SLC67A1: variants seen among roughly 807,000 people sequenced by gnomAD.
SLC67A1 encodes the protein solute carrier family 67 member A1.
the SLC67A1 span, chr11:2,903,048 C>T: frequency 8.9e-6 from 4 of 448,672 alleles, no homozygotes; most frequent in South Asian, 9.9e-5. Flanking sequence ...CTGCAGGGGT[C>T]GGGGGGAGCA....
chr11:2,903,049 G>A, the SLC67A1 span: 14 of 442,644 alleles, frequency 3.2e-5, no homozygotes, highest in East Asian at 3.4e-4. Context: ...TGCAGGGGTC[G>A]GGGGGAGCAG....
the SLC67A1 span, chr11:2,909,062 C>CCCAGGCGCCCCCGCCCT: frequency 1.1e-5 from 9 of 805,670 alleles, no homozygotes; most frequent in African/African-American, 1.8e-5. Context: ...CCAGCAGCCG[C>CCCAGGCGCCCCCGCCCT]CCAGGCGCCC....
chr11:2,900,199 G>T, the SLC67A1 span, among the ~76,000 whole-genome samples: 1 of 152,118 alleles, frequency 6.6e-6, no homozygotes, highest in Non-Finnish European at 1.5e-5. Flanking sequence ...AACGAGCTTG[G>T]CAGAGGATCT....
the SLC67A1 span, among the ~76,000 whole-genome samples, chr11:2,904,604 T>C: frequency 1.3e-5 from 2 of 152,356 alleles, no homozygotes; most frequent in African/African-American, 4.8e-5. Context: ...GTGGAGTGGC[T>C]TCAGCCACCC....
At chr11:2,921,270 C>A in the SLC67A1 span, 4 of 151,170 alleles carry the variant, frequency 2.6e-5, no homozygotes, top group Non-Finnish European at 4.4e-5. Context: ...CCCAAAAAAC[C>A]CTAAGATAAA....
the SLC67A1 span, chr11:2,914,666 G>C: frequency 4.1e-6 from 4 of 982,082 alleles, no homozygotes; most frequent in Non-Finnish European, 4.8e-6. Context: ...TCGAGGGCCT[G>C]GCTTCCTGCC....
chr11:2,903,291 T>G, the SLC67A1 span: 1 of 1,588,278 alleles, frequency 6.3e-7, no homozygotes, highest in Non-Finnish European at 8.6e-7. Context: ...TGCCCCCTGC[T>G]CCGCCAGCCT....
At chr11:2,911,643 G>A in the SLC67A1 span, among the ~76,000 whole-genome samples, 1 of 152,286 alleles carries the variant, frequency 6.6e-6, no homozygotes, top group Middle Eastern at 3.4e-3. Context: ...TCCTTCCCTG[G>A]CCAGCCTTCC....
the SLC67A1 span, chr11:2,916,906 G>A: frequency 1.6e-6 from 1 of 630,568 alleles, no homozygotes; most frequent in Non-Finnish European, 2.9e-6. Context: ...CATCATAGAA[G>A]CCAAGTGAGG....
At chr11:2,921,961 T>A in the SLC67A1 span, 1 of 695,688 alleles carries the variant, frequency 1.4e-6, no homozygotes, top group South Asian at 1.6e-5. Context: ...GGCTTGCAGA[T>A]GCTGAGGGGC....
chr11:2,924,912 G>T, the SLC67A1 span: 2 of 1,121,968 alleles, frequency 1.8e-6, no homozygotes, highest in Non-Finnish European at 2.6e-6. This position sits in a 1 kb window ranked among gnomAD's most constrained non-coding sequence, Gnocchi z 8.6. Context: ...TGAGGTCAGG[G>T]TGGGTCAGGA....
the SLC67A1 span, chr11:2,915,086 C>T: frequency 1.3e-5 from 13 of 985,400 alleles, no homozygotes; most frequent in Non-Finnish European, 1.6e-5. Context: ...GGCAGCAGCA[C>T]AGGTGGGGTG....
chr11:2,908,377 C>A, the SLC67A1 span: 1 of 1,434,848 alleles, frequency 7.0e-7, no homozygotes, highest in African/African-American at 1.4e-5. Context: ...TGACCCAGGC[C>A]CCCTCTCAGA....
the SLC67A1 span, among the ~76,000 whole-genome samples, chr11:2,900,833 C>T: frequency 6.6e-6 from 1 of 152,046 alleles, no homozygotes; most frequent in East Asian, 1.9e-4. Context: ...CAAGGGGAAG[C>T]GCAGCGAGGG....
chr11:2,908,294 G>A, the SLC67A1 span: 1 of 1,613,834 alleles, frequency 6.2e-7, no homozygotes, highest in Non-Finnish European at 8.5e-7. Context: ...ACCACCTTCG[G>A]GGTGCTGCAG....
At chr11:2,904,284 C>T in the SLC67A1 span, among the ~76,000 whole-genome samples, 1 of 152,208 alleles carries the variant, frequency 6.6e-6, no homozygotes. Context: ...TCTCAGCCCT[C>T]AGAGCCTGGA....
At chr11:2,925,181 A>G in the SLC67A1 span, 4 of 1,613,328 alleles carry the variant, frequency 2.5e-6, no homozygotes, top group Non-Finnish European at 2.5e-6. This position sits in a 1 kb window ranked among gnomAD's most constrained non-coding sequence, Gnocchi z 6.5. Context: ...CCCCAGAGGA[A>G]GGACAAAGTC....
chr11:2,907,518 C>T, the SLC67A1 span, among the ~76,000 whole-genome samples: 2 of 152,224 alleles, frequency 1.3e-5, no homozygotes, highest in African/African-American at 4.8e-5. This position sits in a 1 kb window ranked among gnomAD's most constrained non-coding sequence, Gnocchi z 6.7. Context: ...CACATTAGAT[C>T]AGGGCCCTCC....
the SLC67A1 span, chr11:2,902,996 C>G: frequency 1.1e-5 from 3 of 282,824 alleles, no homozygotes; most frequent in South Asian, 2.5e-4. Context: ...TGGGGCATGG[C>G]ACATTCCTGT....
Sources: allele counts gnomAD v4.1 joint callset (sites outside exome capture counted in the v4.1 genomes callset), GRCh38; gene constraint gnomAD v4.1.1; non-coding constraint Gnocchi (gnomAD v3.1); transcripts MANE v1.5; gene names NCBI Gene and HGNC (gene_info 2026-07-23, HGNC 2026-07-21).